The following ADGRL4 variants were observed in gnomAD, a reference collection of about 807,000 sequenced individuals.
ADGRL4 encodes adhesion G protein-coupled receptor L4.
A neutral mutation model predicts 74.8 loss-of-function variants in ADGRL4; 90 were observed. That is an observed-to-expected ratio of 1.20 (90% CI 1.02 to 1.43). The LOEUF (loss-of-function observed/expected upper bound fraction) is 1.43, where lower values mean the gene tolerates loss of function less well. Among genes scored for constraint, ADGRL4 ranks in the 40% most tolerant of loss-of-function variants. ADGRL4 has a pLI of 0.00. For missense variants in ADGRL4, 881 were observed against 814.3 expected, an observed-to-expected ratio of 1.08 and a Z score of -1.00; for synonymous variants, 311 against 279.2, an observed-to-expected ratio of 1.11 and a Z score of -1.14.
At chr1:78,967,164 A>T (rs1035100530) in intron 2 of ADGRL4, among the ~76,000 whole-genome samples, 1 of 152,206 alleles carries the variant, frequency 6.6e-6, no homozygotes, top group Non-Finnish European at 1.5e-5. Flanking sequence ...AGCCTTAAAA[A>T]TTATTGGTAA....
At chr1:78,986,325 C>T (rs78954605) in intron 2 of ADGRL4, among the ~76,000 whole-genome samples, 3 of 151,578 alleles carry the variant, frequency 2.0e-5, no homozygotes, top group Non-Finnish European at 1.5e-5. Flanking sequence ...AATCTACAAC[C>T]AAGTTGTTGA....
chr1:78,934,618 C>T (rs1649315011), intron 7 of ADGRL4, among the ~76,000 whole-genome samples: 1 of 151,988 alleles, frequency 6.6e-6, no homozygotes, highest in Admixed American at 6.6e-5. Flanking sequence ...GAACTGGAAA[C>T]CTAAAGAATG....
intron 3 of ADGRL4, among the ~76,000 whole-genome samples, chr1:78,941,849 C>G (rs1215577321): frequency 6.6e-6 from 1 of 152,138 alleles, no homozygotes; most frequent in Non-Finnish European, 1.5e-5. Context: ...GATCTAAATT[C>G]AAATCCTGAC....
At chr1:78,954,473 G>A (rs932675483) in intron 2 of ADGRL4, among the ~76,000 whole-genome samples, 1 of 152,042 alleles carries the variant, frequency 6.6e-6, no homozygotes, top group African/African-American at 2.4e-5. Context: ...GATGGAATAA[G>A]AATAGCAATC....
chr1:78,925,249 T>C (rs1649087554), intron 8 of ADGRL4, among the ~76,000 whole-genome samples: 1 of 152,152 alleles, frequency 6.6e-6, no homozygotes, highest in East Asian at 1.9e-4. Flanking sequence ...TGAGTGACCA[T>C]GAGCAAATTA....
At chr1:78,999,093 A>G (rs541943937) in intron 2 of ADGRL4, among the ~76,000 whole-genome samples, 4 of 152,218 alleles carry the variant, frequency 2.6e-5, no homozygotes, top group Non-Finnish European at 5.9e-5. Context: ...GATAAGTACA[A>G]GACTGGATAA....
At position 78,890,988 on chromosome 1, in the gene ADGRL4, C is replaced by T. The variant is rs1026853486; in HGVS notation, c.*166G>A. 3.0e-6 allele frequency: 2 copies of T among 674,932 alleles called. No homozygotes were observed. The highest frequency in any genetic ancestry group is 3.6e-5 in the African/African-American group (2 of 54,914). The allele number at this position is 674,932 out of a possible 1,614,324, so 41.8% of individuals were successfully genotyped here. A position where few individuals can be genotyped will look rare whatever the true frequency, so the allele number is the denominator to read the frequency against. ...ATATCTATATGATACATAATTTTAC[C>T]TTATTATCTACAGTTCCTATAGCAT... On this transcript the variant is annotated 3_prime_UTR_variant, in exon 15 of 15. Transcript: ENST00000370742.
chr1:78,975,191 G>A (rs1650252688), intron 2 of ADGRL4, among the ~76,000 whole-genome samples: 1 of 151,968 alleles, frequency 6.6e-6, no homozygotes, highest in Admixed American at 6.6e-5. Context: ...CCTCACTCTT[G>A]ACCACCATTT....
At chr1:78,980,436 T>C (rs1239235345) in intron 2 of ADGRL4, among the ~76,000 whole-genome samples, 1 of 151,994 alleles carries the variant, frequency 6.6e-6, no homozygotes, top group African/African-American at 2.4e-5. Flanking sequence ...CAATATATCA[T>C]TGTCTCCAAC....
At chr1:78,896,683 T>C (rs974081561) in intron 12 of ADGRL4, among the ~76,000 whole-genome samples, 2 of 152,128 alleles carry the variant, frequency 1.3e-5, no homozygotes, top group Non-Finnish European at 2.9e-5. Context: ...TATCTTCCTA[T>C]AATCTATCTC....
intron 2 of ADGRL4, among the ~76,000 whole-genome samples, chr1:79,003,505 A>AT (rs56214126): frequency 0.28 from 42,563 of 150,572 alleles, 6,002 homozygotes; most frequent in Non-Finnish European, 0.29. Context: ...GTCTTAAAGA[A>AT]TTTTTTTTTT....
At position 78,933,576 on chromosome 1, in the gene ADGRL4, C is replaced by A. The variant is rs1319817744; in HGVS notation, c.877+2719G>T. 5.3e-5 allele frequency among the ~76,000 whole-genome samples: 8 copies of A among 151,218 alleles called. No individual in the cohort carries two copies. The South Asian group carries it at 1.0e-3, about 20-fold the overall frequency. On this transcript the variant is annotated intron_variant, in intron 7 of 14. Coordinates refer to ENST00000370742, the MANE Select transcript of ADGRL4 (RefSeq NM_022159.4). The stretch of plus-strand genomic sequence containing the variant: ...TTCAATGTAGTATTGGGAGTTCTGG[C>A]CAGGGCAATCAGGCAAGAGAAAGAA...
intron 12 of ADGRL4, among the ~76,000 whole-genome samples, chr1:78,903,031 C>T (rs1243430329): frequency 6.6e-6 from 1 of 151,938 alleles, no homozygotes; most frequent in Non-Finnish European, 1.5e-5. Flanking sequence ...AGAACACATT[C>T]GAATTCCAGC....
At chr1:78,926,102 A>T (rs1301496212) in intron 8 of ADGRL4, among the ~76,000 whole-genome samples, 1 of 151,920 alleles carries the variant, frequency 6.6e-6, no homozygotes, top group Non-Finnish European at 1.5e-5. Flanking sequence ...ATTGTGTGTG[A>T]GCAAATATAC....
chr1:78,979,234 A>G (rs983541543), intron 2 of ADGRL4, among the ~76,000 whole-genome samples: 7 of 151,994 alleles, frequency 4.6e-5, no homozygotes, highest in Admixed American at 1.3e-4. Context: ...TCCTTTCACT[A>G]CTTAAAAAAC....
At chr1:78,986,729 C>T (rs1330590561) in intron 2 of ADGRL4, among the ~76,000 whole-genome samples, 1 of 151,770 alleles carries the variant, frequency 6.6e-6, no homozygotes, top group Non-Finnish European at 1.5e-5. Context: ...GGAATGCAAA[C>T]TGTGCTTTCA....
intron 2 of ADGRL4, among the ~76,000 whole-genome samples, chr1:78,995,943 G>T (rs1298206251): frequency 6.6e-6 from 1 of 152,158 alleles, no homozygotes; most frequent in Non-Finnish European, 1.5e-5. Flanking sequence ...ATTTCAATTT[G>T]TAACGATGGG....
intron 8 of ADGRL4, among the ~76,000 whole-genome samples, chr1:78,926,585 C>G (rs149296353): frequency 6.6e-6 from 1 of 152,034 alleles, no homozygotes; most frequent in East Asian, 1.9e-4. Flanking sequence ...TTTTTAATAA[C>G]TCATTCTTCG....
chr1:78,985,962 G>A (rs1310384594), intron 2 of ADGRL4, among the ~76,000 whole-genome samples: 1 of 151,796 alleles, frequency 6.6e-6, no homozygotes, highest in African/African-American at 2.4e-5. Flanking sequence ...ATAAGTGGGA[G>A]CTAAACATTG....
Sources: gnomAD v4.1 joint callset for allele counts (sites outside exome capture counted in the v4.1 genomes callset) on GRCh38, gnomAD v4.1.1 for gene constraint, MANE v1.5 for transcripts, NCBI Gene and HGNC (gene_info 2026-07-23, HGNC 2026-07-21) for gene names.